Variants in NCBP3 observed in about 807,000 individuals in gnomAD.
NCBP3 encodes the protein nuclear cap binding subunit 3.
In NCBP3, 20 loss-of-function variants were observed where a neutral mutation model predicts 75.7. That is an observed-to-expected ratio of 0.26 (90% CI 0.19 to 0.38). The LOEUF is 0.38. Ranked by LOEUF, NCBP3 falls within the 10% of genes least tolerant of loss-of-function variation. The pLI is 1.00. For missense variants in NCBP3, 678 were observed against 796.9 expected, an observed-to-expected ratio of 0.85 and a Z score of 1.80; for synonymous variants, 293 against 290.5, an observed-to-expected ratio of 1.01 and a Z score of -0.09.
chr17:3,842,749 G>A (rs948453001), intron 2 of NCBP3, among the ~76,000 whole-genome samples: 18 of 152,044 alleles, frequency 1.2e-4, no homozygotes, highest in Admixed American at 9.8e-4. Context: ...AGGCTCCAGC[G>A]ATCCTCCCAC....
At position 3,814,424 on chromosome 17, in the gene NCBP3, G is replaced by T. The variant is rs765334742; in HGVS notation, c.1525C>A (p.Pro509Thr). The change falls in exon 12 of 13, where the codon CCC becomes ACC. Residue 509 changes from proline to threonine, a missense_variant. Transcript: ENST00000389005. ...HSPEKAFSSN[P>T]VVRREPSSDV... ...GAAGAGGGCTCTCTCCGAACGACGG[G>T]GTTACTACTAAAAGCCTTTTCCGGA... 6.2e-7 allele frequency: 1 copy of T among 1,614,138 alleles called. No individual in the cohort carries two copies. The highest frequency in any genetic ancestry group is 2.2e-5 in the East Asian group (1 of 44,886).
At chr17:3,832,455 C>A (rs1195663504) in intron 3 of NCBP3, among the ~76,000 whole-genome samples, 1 of 117,020 alleles carries the variant, frequency 8.5e-6, no homozygotes, top group Non-Finnish European at 2.0e-5. Context: ...ACGGTGAAAC[C>A]CCGTCTCTAC....
At chr17:3,815,556 A>G (rs1292805054) in intron 11 of NCBP3, among the ~76,000 whole-genome samples, 1 of 152,264 alleles carries the variant, frequency 6.6e-6, no homozygotes, top group African/African-American at 2.4e-5. Context: ...AAAGTATACC[A>G]GTGTCATACA....
chr17:3,821,935 T>C lies in NCBP3; in HGVS notation c.896+18A>G. On this transcript the variant is annotated intron_variant, in intron 8 of 12. Coordinates refer to ENST00000389005, the MANE Select transcript of NCBP3 (RefSeq NM_001114118.3). ...AGAAAAACTCAAATACTATTGCATT[T>C]GAAGGTTTTGGACTCACCATGAATT... 1 of 1,514,408 alleles carries C rather than the reference T, an allele frequency of 6.6e-7. No homozygotes were observed. Among genetic ancestry groups the C allele is most frequent in the Non-Finnish European group, 9.1e-7 (1 of 1,097,116 alleles). The allele number at this position is 1,514,408 out of a possible 1,614,324, so 93.8% of individuals were successfully genotyped here.
Position 3,818,826 on chromosome 17 carries a change from G to T in NCBP3, c.1001-254C>A, listed in dbSNP as rs981841090. On this transcript the variant is annotated intron_variant, in intron 9 of 12. Transcript: ENST00000389005. The surrounding 1 kb of genome is among the most constrained non-coding windows in gnomAD (Gnocchi z 4.7). Reference sequence around the variant, plus strand: ...ATACAACTGACCTTTATTATTCACAGATTTTGTATTTGCAAATTTACCAAA... The same window carrying T: ...ATACAACTGACCTTTATTATTCACATATTTTGTATTTGCAAATTTACCAAA... Among the ~76,000 whole-genome samples, 3 of 152,114 alleles carry T rather than the reference G, an allele frequency of 2.0e-5. No homozygotes were observed. The highest frequency in any genetic ancestry group is 2.0e-4 in the Admixed American group (3 of 15,272).
rs1270821827 is a variant in NCBP3, at chr17:3,807,916, A to G, written c.*5128T>C. On this transcript the variant is annotated 3_prime_UTR_variant, in exon 13 of 13. Coordinates refer to ENST00000389005, the MANE Select transcript of NCBP3 (RefSeq NM_001114118.3). ...GGAACAAGAAATTACAGTCCAGTGT[A>G]GAGGTGTGCAGGGTTGTGGGGTACA... The G allele has an allele frequency of 6.6e-6, 1 of 152,230 alleles. No individual in the cohort carries two copies. Among genetic ancestry groups the G allele is most frequent in the Non-Finnish European group, 1.5e-5 (1 of 68,052 alleles). 9.4% of individuals were successfully genotyped at this position (152,230 alleles called of 1,614,324 possible). A position where few individuals can be genotyped will look rare whatever the true frequency, so the allele number is the denominator to read the frequency against.
intron 3 of NCBP3, among the ~76,000 whole-genome samples, chr17:3,839,098 A>C (rs1022937253): frequency 6.6e-6 from 1 of 152,232 alleles, no homozygotes; most frequent in Non-Finnish European, 1.5e-5. Context: ...ACATAGACTC[A>C]CTAAAAAAGT....
rs1354762762 is a variant in NCBP3, at chr17:3,803,498, G to A, written c.*9546C>T. ...AGAACTGTACCATGGGCATGTGAGA[G>A]GCTGTCCCTGTTCTTGGGAAATGTT... is the stretch of plus-strand genomic sequence containing the variant. On this transcript the variant is annotated 3_prime_UTR_variant, in exon 13 of 13. Coordinates refer to ENST00000389005, the MANE Select transcript of NCBP3 (RefSeq NM_001114118.3). The A allele has an allele frequency of 6.6e-6, 1 of 152,248 alleles. No homozygotes were observed. Among genetic ancestry groups the A allele is most frequent in the African/African-American group, 2.4e-5 (1 of 41,454 alleles). 9.4% of individuals were successfully genotyped at this position (152,248 alleles called of 1,614,324 possible).
At chr17:3,821,850 T>C in intron 8 of NCBP3, 103 bp downstream of exon 8, 1 of 724,624 alleles carries the variant, frequency 1.4e-6, no homozygotes. Flanking sequence ...TCCCTCTTGT[T>C]TTCCTTCCAG....
chr17:3,820,466 G>C (rs569294995), intron 9 of NCBP3, among the ~76,000 whole-genome samples: 13 of 152,072 alleles, frequency 8.5e-5, no homozygotes, highest in Middle Eastern at 3.4e-3. Context: ...TAAATAAAAT[G>C]GTTCTTTTAC....
At position 3,818,787 on chromosome 17, in the gene NCBP3, TAA is replaced by T. The variant is rs746792474; in HGVS notation, c.1001-217_1001-216del. On this transcript the variant is annotated intron_variant, in intron 9 of 12. Coordinates refer to ENST00000389005, the MANE Select transcript of NCBP3 (RefSeq NM_001114118.3). The surrounding 1 kb of genome is among the most constrained non-coding windows in gnomAD (Gnocchi z 4.7). Reference sequence around the variant, plus strand: ...GATGCAGCAGCCTAACCAAATACCATAAAGTCATTTAAAATACAACTGACCTT... The same window carrying T: ...GATGCAGCAGCCTAACCAAATACCATAGTCATTTAAAATACAACTGACCTT... Among the ~76,000 whole-genome samples, 10 of 152,168 alleles carry T rather than the reference TAA, an allele frequency of 6.6e-5. No homozygotes were observed. Among genetic ancestry groups the T allele is most frequent in the Non-Finnish European group, 1.5e-4 (10 of 68,020 alleles).
chr17:3,843,260 G>C, intron 1 of NCBP3, 109 bp from the exon 2 acceptor site: 1 of 572,622 alleles, frequency 1.7e-6, no homozygotes, highest in Non-Finnish European at 2.8e-6. Context: ...TTTTTTTTTT[G>C]TTGGTGACAG....
At chr17:3,835,616 A>T (rs908042551) in intron 3 of NCBP3, among the ~76,000 whole-genome samples, 1 of 152,260 alleles carries the variant, frequency 6.6e-6, no homozygotes, top group Non-Finnish European at 1.5e-5. Context: ...ACCCAAAAAT[A>T]AAGTTGCCTG....
Position 3,832,441 on chromosome 17 carries a change from C to G in NCBP3, c.356-3073G>C, listed in dbSNP as rs218713. Among the ~76,000 whole-genome samples, 5 of 116,798 alleles carry G rather than the reference C, an allele frequency of 4.3e-5. 2 individuals are homozygous for G. Among genetic ancestry groups the G allele is most frequent in the Non-Finnish European group, 1.0e-4 (5 of 48,718 alleles). The allele number at this position is 116,798 out of a possible 152,430, so 76.6% of individuals were successfully genotyped here. ...AAGGTCAGATCGAGACCATCCTGGC[C>G]AACACGGTGAAACCCCGTCTCTACT... On this transcript the variant is annotated intron_variant, in intron 3 of 12. Transcript: ENST00000389005.
At chr17:3,813,951 C>T (rs1007250592) in intron 12 of NCBP3, among the ~76,000 whole-genome samples, 20 of 152,054 alleles carry the variant, frequency 1.3e-4, no homozygotes, top group African/African-American at 4.3e-4. Context: ...GGTGTTGAGC[C>T]GCTATGCCTG....
In NCBP3 at chr17:3,813,103, G is replaced by A. The variant is rs770426515; in HGVS notation, c.1804C>T (p.Pro602Ser). The A allele has an allele frequency of 6.2e-7, 1 of 1,614,222 alleles. No homozygotes were observed. The highest frequency in any genetic ancestry group is 2.2e-5 in the East Asian group (1 of 44,886). The change falls in exon 13 of 13, where the codon CCA (proline) becomes TCA (serine). Residue 602 changes from proline to serine, a missense_variant. This residue lies in a region of NCBP3 where 365 missense variants were observed against 392.7 expected (regional missense o/e 0.93). Coordinates refer to ENST00000389005, the MANE Select transcript of NCBP3 (RefSeq NM_001114118.3). ...CGACTAACTTCAATCTGGAGAGATG[G>A]TAAGTTATCTAACCGGCTCTTCTTT... ...RQKKSRLDNL[P>S]SLQIEVSRES...
At chr17:3,814,693 C>G (rs1022650568) in intron 11 of NCBP3, among the ~76,000 whole-genome samples, 1 of 151,808 alleles carries the variant, frequency 6.6e-6, no homozygotes, top group Non-Finnish European at 1.5e-5. Context: ...AAATCCTCAA[C>G]TGATTACTCC....
intron 1 of NCBP3, among the ~76,000 whole-genome samples, chr17:3,845,607 A>AT (rs1196195263): frequency 1.3e-5 from 2 of 152,162 alleles, no homozygotes; most frequent in African/African-American, 4.8e-5. Context: ...TGTTTCCCAG[A>AT]TACAAATTCC....
chr17:3,813,809 G>A (rs780530686), intron 12 of NCBP3, among the ~76,000 whole-genome samples: 12 of 151,974 alleles, frequency 7.9e-5, no homozygotes, highest in Admixed American at 2.0e-4. Flanking sequence ...TGGTGCAGGC[G>A]CCCACCACCA....
Sources: allele counts gnomAD v4.1 joint callset (sites outside exome capture counted in the v4.1 genomes callset), GRCh38; gene constraint gnomAD v4.1.1; regional missense constraint gnomAD v4.1.1; non-coding constraint Gnocchi (gnomAD v3.1); transcripts MANE v1.5; gene names NCBI Gene and HGNC (gene_info 2026-07-23, HGNC 2026-07-21).